The following DLG2 variants were observed in gnomAD, a reference collection of about 807,000 sequenced individuals.
The protein encoded by DLG2 is discs large MAGUK scaffold protein 2, also known as disks large homolog 2.
In DLG2, 45 loss-of-function variants were observed where a neutral mutation model predicts 132.5. The ratio of observed to expected loss-of-function variants is 0.34; its 90% CI spans 0.27 to 0.44. DLG2 has a LOEUF of 0.44. Among genes scored for constraint, DLG2 ranks in the 20% least tolerant of loss-of-function variants. The pLI is 1.00. For missense variants in DLG2, 1,045 were observed against 1,196.9 expected (o/e 0.87, Z 1.87); for synonymous variants, 424 against 419.6 (o/e 1.01, Z -0.13).
intron 6 of DLG2, among the ~76,000 whole-genome samples, chr11:85,095,076 AACAC>A (rs568840783): frequency 2.0e-5 from 3 of 152,198 alleles, no homozygotes; most frequent in Non-Finnish European, 4.4e-5. Flanking sequence ...GAGGAGACAG[AACAC>A]ACACTTTTAT....
At chr11:84,067,715 C>T (rs2096700191) in intron 10 of DLG2, among the ~76,000 whole-genome samples, 1 of 152,142 alleles carries the variant, frequency 6.6e-6, no homozygotes, top group African/African-American at 2.4e-5. Flanking sequence ...TCTTTAAAGT[C>T]CATCACCAGT....
intron 19 of DLG2, among the ~76,000 whole-genome samples, chr11:83,627,935 G>C (rs1328281742): frequency 1.3e-5 from 2 of 152,114 alleles, no homozygotes; most frequent in African/African-American, 4.8e-5. Flanking sequence ...ATCTTATTGT[G>C]GTTTTGATTT....
At chr11:84,727,867 TA>T (rs2062675408) in intron 6 of DLG2, among the ~76,000 whole-genome samples, 3 of 152,306 alleles carry the variant, frequency 2.0e-5, no homozygotes, top group Admixed American at 2.0e-4. Flanking sequence ...CAATTGTGAA[TA>T]GGAGTTAACT....
chr11:84,919,556 G>C (rs535486181), intron 6 of DLG2, among the ~76,000 whole-genome samples: 2 of 152,248 alleles, frequency 1.3e-5, no homozygotes, highest in South Asian at 4.1e-4. Flanking sequence ...CTGTGGAAAA[G>C]AGTAACTAGT....
intron 3 of DLG2, among the ~76,000 whole-genome samples, chr11:85,536,123 G>T (rs1265550760): frequency 6.6e-6 from 1 of 151,426 alleles, no homozygotes. Flanking sequence ...GGCTTTGGTG[G>T]GAGGGTTACT....
chr11:84,090,216 C>T (rs1204213320), intron 10 of DLG2, among the ~76,000 whole-genome samples: 2 of 151,930 alleles, frequency 1.3e-5, no homozygotes, highest in Non-Finnish European at 2.9e-5. Context: ...GAGTTCAAGA[C>T]CAGCCTGGCC....
intron 3 of DLG2, among the ~76,000 whole-genome samples, chr11:85,431,627 A>ACAACTC (rs2091189670): frequency 6.6e-6 from 1 of 152,220 alleles, no homozygotes; most frequent in African/African-American, 2.4e-5. Flanking sequence ...TTCAGGGCCA[A>ACAACTC]CAACTCCAAC....
intron 6 of DLG2, among the ~76,000 whole-genome samples, chr11:84,771,389 C>A (rs1156278713): frequency 6.6e-6 from 1 of 152,004 alleles, no homozygotes; most frequent in African/African-American, 2.4e-5. Context: ...AGCTTTTTTT[C>A]ATATGCTTTT....
intron 6 of DLG2, among the ~76,000 whole-genome samples, chr11:84,698,733 AT>A (rs1326179760): frequency 1.1e-4 from 17 of 151,596 alleles, no homozygotes; most frequent in Non-Finnish European, 3.0e-5. Context: ...TTACATATAC[AT>A]TGCTTTAAAG....
intron 6 of DLG2, among the ~76,000 whole-genome samples, chr11:84,962,672 C>T (rs891645770): frequency 6.6e-6 from 1 of 152,162 alleles, no homozygotes; most frequent in East Asian, 1.9e-4. Context: ...ACTAAATATT[C>T]TCTCCTCTAA....
intron 6 of DLG2, among the ~76,000 whole-genome samples, chr11:84,689,176 T>C (rs1212488414): frequency 1.3e-5 from 2 of 152,164 alleles, no homozygotes; most frequent in African/African-American, 2.4e-5. Flanking sequence ...AGAAAATCTG[T>C]ATATTGTTCT....
intron 6 of DLG2, among the ~76,000 whole-genome samples, chr11:84,604,784 G>A (rs954922513): frequency 2.6e-5 from 4 of 151,840 alleles, no homozygotes; most frequent in African/African-American, 9.7e-5. Flanking sequence ...TACACTCAAA[G>A]CTGTAGCCAA....
intron 6 of DLG2, among the ~76,000 whole-genome samples, chr11:85,037,894 G>T (rs1198830819): frequency 6.6e-6 from 1 of 152,006 alleles, no homozygotes; most frequent in Non-Finnish European, 1.5e-5. Flanking sequence ...AATAATATGG[G>T]TCATGTCTGA....
chr11:84,811,530 G>C (rs1029017277), intron 6 of DLG2, among the ~76,000 whole-genome samples: 2 of 151,998 alleles, frequency 1.3e-5, no homozygotes, highest in Non-Finnish European at 2.9e-5. Flanking sequence ...AATAACATTA[G>C]GATGAGGATA....
At chr11:84,246,907 A>T (rs1396626851) in intron 8 of DLG2, among the ~76,000 whole-genome samples, 18 of 152,180 alleles carry the variant, frequency 1.2e-4, no homozygotes, top group African/African-American at 3.9e-4. Flanking sequence ...CACACCAAAA[A>T]TTGGCAATTA....
chr11:84,159,989 A>T (rs1458636340), intron 9 of DLG2, among the ~76,000 whole-genome samples: 1 of 152,214 alleles, frequency 6.6e-6, no homozygotes, highest in African/African-American at 2.4e-5. Context: ...GAAGAATATT[A>T]GGGCAGCAGT....
chr11:84,195,007 C>T (rs577432302), intron 8 of DLG2, among the ~76,000 whole-genome samples: 41 of 152,320 alleles, frequency 2.7e-4, no homozygotes, highest in Non-Finnish European at 4.7e-4. Flanking sequence ...ATGGCTCCTG[C>T]CTCGGCCAGC....
Position 83,668,848 on chromosome 11 carries a change from C to CAT in DLG2, c.1826-35524_1826-35523insAT, listed in dbSNP as rs1215231776. ...ATATATGTGTATATAAACACACACA[C>CAT]ACATATATATATATATATATTTTTT... On this transcript the variant is annotated intron_variant, in intron 18 of 27. Coordinates refer to ENST00000376104, the MANE Select transcript of DLG2 (RefSeq NM_001142699.3). Among the ~76,000 whole-genome samples the CAT allele has an allele frequency of 4.8e-3, 502 of 105,068 alleles. 39 individuals are homozygous for CAT. In the Middle Eastern group the frequency reaches 0.056, roughly 12 times the overall value. 68.9% of individuals were successfully genotyped at this position (105,068 alleles called of 152,430 possible).
chr11:84,829,415 GGTGAGATGTATACTTTT>G (rs1265157678), intron 6 of DLG2, among the ~76,000 whole-genome samples: 2 of 151,684 alleles, frequency 1.3e-5, no homozygotes, highest in African/African-American at 4.8e-5. Context: ...ATATTACATA[GGTGAGATGTATACTTTT>G]GTGGTTATAA....
Sources: allele counts gnomAD v4.1 joint callset (sites outside exome capture counted in the v4.1 genomes callset), GRCh38; gene constraint gnomAD v4.1.1; transcripts MANE v1.5; gene names NCBI Gene and HGNC (gene_info 2026-07-23, HGNC 2026-07-21).